The following IGLL5 variants were observed in gnomAD, a reference collection of about 807,000 sequenced individuals.
IGLL5 encodes the protein immunoglobulin lambda like polypeptide 5.
In IGLL5, 30 loss-of-function variants were observed where a neutral mutation model predicts 20.9. The observed-to-expected ratio is 1.44, with a 90% CI of 1.07 to 1.95. The LOEUF (loss-of-function observed/expected upper bound fraction) is 1.95. IGLL5 is among the 30% of genes most tolerant of loss of function. The pLI, the probability that IGLL5 is intolerant of heterozygous loss-of-function variation, is 0.00. For synonymous variants in IGLL5, 203 were observed against 117.3 expected, an observed-to-expected ratio of 1.73 and a Z score of -4.72; for missense variants, 475 against 270.7, an observed-to-expected ratio of 1.75 and a Z score of -5.30.
Position 22,888,085 on chromosome 22 carries a change from A to G in IGLL5, c.32A>G (p.Glu11Gly), listed in dbSNP as rs542690694. The G allele has an allele frequency of 3.2e-6, 5 of 1,549,250 alleles. No individual in the cohort carries two copies. Among genetic ancestry groups the G allele is most frequent in the East Asian group, 2.5e-5 (1 of 40,662 alleles). MRPKTGQVGC[E>G]TPEELGPGPR... ...CCCAAGACAGGCCAAGTGGGTTGTG[A>G]GACCCCTGAGGAGCTGGGCCCTGGT... The change falls in exon 1 of 3, where the codon GAG (glutamate) becomes GGG (glycine). Residue 11 changes from glutamate to glycine, a missense_variant. Glu to Gly is a moderately conservative substitution (Grantham distance 98). Transcript: ENST00000526893.
intron 1 of IGLL5, among the ~76,000 whole-genome samples, chr22:22,889,093 T>G (rs576586131): frequency 6.6e-6 from 1 of 151,050 alleles, no homozygotes; most frequent in Middle Eastern, 3.7e-3. Context: ...ATTATCAGAG[T>G]CAGATTTGTG....
intron 2 of IGLL5, among the ~76,000 whole-genome samples, chr22:22,895,139 A>T (rs374048153): frequency 6.6e-6 from 1 of 150,710 alleles, no homozygotes; most frequent in African/African-American, 2.4e-5. Context: ...TGTAGAGGAG[A>T]GGGGCTGGGC....
In IGLL5 at chr22:22,888,086, G is replaced by C. The variant is rs1291636344; in HGVS notation, c.33G>C (p.Glu11Asp). The C allele has an allele frequency of 6.5e-7, 1 of 1,549,318 alleles. No individual in the cohort carries two copies. Among genetic ancestry groups the C allele is most frequent in the Non-Finnish European group, 8.7e-7 (1 of 1,146,588 alleles). The change falls in exon 1 of 3, where the codon GAG (glutamate) becomes GAC (aspartate). Residue 11 changes from glutamate to aspartate, a missense_variant. By Grantham distance (45) the Glu-to-Asp change is conservative. Coordinates refer to ENST00000526893, the MANE Select transcript of IGLL5 (RefSeq NM_001178126.2). MRPKTGQVGC[E>D]TPEELGPGPR... ...CCAAGACAGGCCAAGTGGGTTGTGA[G>C]ACCCCTGAGGAGCTGGGCCCTGGTC...
At chr22:22,893,439 T>C (rs1212846530) in intron 1 of IGLL5, among the ~76,000 whole-genome samples, 1 of 151,056 alleles carries the variant, frequency 6.6e-6, no homozygotes, top group East Asian at 2.0e-4. Flanking sequence ...CCAAGCCAAC[T>C]CAGCACTCCT....
intron 1 of IGLL5, among the ~76,000 whole-genome samples, chr22:22,890,522 T>C (rs180913726): frequency 7.2e-6 from 1 of 138,984 alleles, no homozygotes; most frequent in African/African-American, 2.6e-5. Flanking sequence ...CACTAAAAAA[T>C]CTAAATGACA....
At chr22:22,888,495 A>G (rs150410994) in intron 1 of IGLL5, among the ~76,000 whole-genome samples, 2 of 151,390 alleles carry the variant, frequency 1.3e-5, no homozygotes, top group South Asian at 2.1e-4. Flanking sequence ...TTCTGGCGCC[A>G]CTTAAATTTT....
chr22:22,891,214 G>A (rs2067836308), intron 1 of IGLL5, among the ~76,000 whole-genome samples: 1 of 150,650 alleles, frequency 6.6e-6, no homozygotes. Context: ...GGTACTTTTG[G>A]TGTATTGGTG....
intron 2 of IGLL5, among the ~76,000 whole-genome samples, chr22:22,894,826 C>G (rs2066700162): frequency 2.0e-5 from 3 of 151,382 alleles, no homozygotes; most frequent in East Asian, 4.1e-4. Context: ...CCACTCCTTG[C>G]CAGGAGAGCC....
Position 22,893,718 on chromosome 22 carries a change from C to T in IGLL5, c.225C>T (p.Ser75=). The T allele has an allele frequency of 1.2e-6, 2 of 1,607,930 alleles. No individual in the cohort carries two copies. The highest frequency in any genetic ancestry group is 1.7e-6 in the Non-Finnish European group (2 of 1,177,134). The part of the protein sequence containing the change: ...SLWGRLLLQP[S]PQRADPRCWP... The stretch of plus-strand genomic sequence containing the variant: ...CCAGCAGGCTCCTGCTCCAGCCCAG[C>T]CCCCAGAGAGCAGACCCCAGGTGCT... The change falls in exon 2 of 3, where the codon AGC becomes AGT. Residue 75 remains serine (S), a synonymous_variant. Coordinates refer to ENST00000526893, the MANE Select transcript of IGLL5 (RefSeq NM_001178126.2).
At chr22:22,894,773 T>C (rs2066695991) in intron 2 of IGLL5, among the ~76,000 whole-genome samples, 1 of 150,948 alleles carries the variant, frequency 6.6e-6, no homozygotes, top group African/African-American at 2.4e-5. Flanking sequence ...ACAGGAAACA[T>C]CTCAGAGCCT....
At chr22:22,888,486 T>G (rs192940590) in intron 1 of IGLL5, among the ~76,000 whole-genome samples, 1 of 151,448 alleles carries the variant, frequency 6.6e-6, no homozygotes, top group East Asian at 2.0e-4. Flanking sequence ...TTCTGAGTTT[T>G]CTGGCGCCAC....
intron 2 of IGLL5, 88 bp from the exon 3 acceptor site, chr22:22,895,287 C>A: frequency 7.9e-7 from 1 of 1,269,238 alleles, no homozygotes; most frequent in Non-Finnish European, 1.1e-6. Flanking sequence ...CACTGTGAAC[C>A]CTCCCAGAGA....
intron 1 of IGLL5, among the ~76,000 whole-genome samples, chr22:22,889,029 T>C (rs555797145): frequency 1.3e-5 from 2 of 151,264 alleles, no homozygotes; most frequent in South Asian, 2.1e-4. Flanking sequence ...GACCATAGGG[T>C]CCGTGCACCA....
In IGLL5 at chr22:22,893,746, C is replaced by T; in HGVS notation, c.253C>T (p.Pro85Ser). ...SPQRADPRCW[P>S]RGFWSEPQSL... ...CCAGAGAGCAGACCCCAGGTGCTGG[C>T]CCCGGGGGTTTTGGTCTGAGCCTCA... is the stretch of plus-strand genomic sequence containing the variant. Residue 85 changes from proline to serine, a missense_variant, in exon 2 of 3, where the codon CCC (proline) becomes TCC (serine). By Grantham distance (74) the Pro-to-Ser change is moderately conservative. Transcript: ENST00000526893. The T allele has an allele frequency of 6.2e-7, 1 of 1,606,302 alleles. No individual in the cohort carries two copies. Among genetic ancestry groups the T allele is most frequent in the Non-Finnish European group, 8.5e-7 (1 of 1,176,486 alleles).
intron 1 of IGLL5, among the ~76,000 whole-genome samples, chr22:22,891,540 G>C (rs1225349273): frequency 1.3e-5 from 2 of 151,144 alleles, no homozygotes; most frequent in Non-Finnish European, 2.9e-5. Flanking sequence ...TTGGACTGCA[G>C]AATTGGTTCT....
At chr22:22,895,257 C>T (rs2066735895) in intron 2 of IGLL5, 118 bp from the exon 3 acceptor site, 1 of 907,994 alleles carries the variant, frequency 1.1e-6, no homozygotes, top group Admixed American at 2.1e-5. Context: ...GGAGAGAACC[C>T]CGGGTGGACC....
chr22:22,894,302 A>T (rs960880607), intron 2 of IGLL5, among the ~76,000 whole-genome samples: 1 of 151,306 alleles, frequency 6.6e-6, no homozygotes, highest in African/African-American at 2.4e-5. Flanking sequence ...CGGCCTGGTG[A>T]CACAGAGGTC....
At chr22:22,893,971 C>T (rs1569086905) in intron 2 of IGLL5, among the ~76,000 whole-genome samples, 153 bp downstream of exon 2, 1 of 151,466 alleles carries the variant, frequency 6.6e-6, no homozygotes, top group African/African-American at 2.4e-5. Flanking sequence ...GTGCATTAGT[C>T]TCCGGGTAAC....
rs547486842 is a variant in IGLL5, at chr22:22,895,411, C to T, written c.362C>T (p.Pro121Leu). 25 of 1,612,938 alleles carry T rather than the reference C, an allele frequency of 1.5e-5. No homozygotes were observed. The Admixed American group carries it at 2.0e-4, about 13-fold the overall frequency. ...GCCAACCCCACTGTCACTCTGTTCC[C>T]GCCCTCCTCTGAGGAGCTCCAAGCC... The part of the protein sequence containing the change: ...PKANPTVTLF[P>L]PSSEELQANK... Residue 121 changes from proline (P) to leucine (L), a missense_variant, in exon 3 of 3, where the codon CCG (proline) becomes CTG (leucine). Coordinates refer to ENST00000526893, the MANE Select transcript of IGLL5 (RefSeq NM_001178126.2).
Sources: gnomAD v4.1 joint callset for allele counts (sites outside exome capture counted in the v4.1 genomes callset) on GRCh38, gnomAD v4.1.1 for gene constraint, MANE v1.5 for transcripts, NCBI Gene and HGNC (gene_info 2026-07-23, HGNC 2026-07-21) for gene names.